Variants in CHCHD3 observed in about 807,000 individuals in gnomAD.
CHCHD3 encodes coiled-coil-helix-coiled-coil-helix domain containing 3, also known as MICOS complex subunit MIC19.
Under a neutral mutation model 38.2 loss-of-function variants are expected in CHCHD3, and 20 were observed. The observed-to-expected ratio is 0.52, with a 90% confidence interval of 0.37 to 0.76. The LOEUF (loss-of-function observed/expected upper bound fraction) is 0.76. CHCHD3 is among the 30% of genes least tolerant of loss of function. The pLI is 0.00. For synonymous variants in CHCHD3, 82 were observed against 100.0 expected (o/e 0.82, Z 1.07); for missense variants, 245 against 279.2 (o/e 0.88, Z 0.87).
intron 3 of CHCHD3, among the ~76,000 whole-genome samples, chr7:132,992,122 T>C (rs1812298656): frequency 1.3e-5 from 2 of 152,174 alleles, no homozygotes; most frequent in African/African-American, 4.8e-5. Flanking sequence ...GCAAGGCTGG[T>C]GGAAGAACAA....
intron 5 of CHCHD3, among the ~76,000 whole-genome samples, chr7:132,853,484 T>C (rs1808268476): frequency 6.6e-6 from 1 of 151,622 alleles, no homozygotes. Context: ...TACCCGGGCA[T>C]GGTGGCACAC....
At chr7:132,964,159 C>G (rs558817131) in intron 4 of CHCHD3, among the ~76,000 whole-genome samples, 8 of 152,208 alleles carry the variant, frequency 5.3e-5, no homozygotes, top group African/African-American at 4.8e-5. Context: ...TAAAAATACT[C>G]TATTGCAGCA....
chr7:132,847,296 A>G (rs917285653), intron 5 of CHCHD3: 1 of 152,236 alleles, frequency 6.6e-6, no homozygotes, highest in African/African-American at 2.4e-5. Context: ...AAGAAGGAAG[A>G]AAGAATTTGG....
chr7:132,905,045 T>C (rs951523609), intron 4 of CHCHD3, among the ~76,000 whole-genome samples: 2 of 135,438 alleles, frequency 1.5e-5, no homozygotes, highest in Non-Finnish European at 3.0e-5. Flanking sequence ...AATTGAACAA[T>C]GAGAACACTT....
intron 7 of CHCHD3, among the ~76,000 whole-genome samples, chr7:132,790,179 T>C (rs755120456): frequency 2.0e-5 from 3 of 152,224 alleles, no homozygotes; most frequent in Non-Finnish European, 4.4e-5. Context: ...AACTTTTTTC[T>C]GCCTGGATCT....
intron 6 of CHCHD3, among the ~76,000 whole-genome samples, chr7:132,834,234 C>T (rs1261528466): frequency 6.6e-6 from 1 of 152,222 alleles, no homozygotes. Context: ...TAAGTAATCT[C>T]TGTGCCTTCA....
At chr7:132,957,323 A>G (rs889563448) in intron 4 of CHCHD3, among the ~76,000 whole-genome samples, 29 of 152,192 alleles carry the variant, frequency 1.9e-4, no homozygotes, top group Non-Finnish European at 8.8e-5. Context: ...TGCCCAGAAA[A>G]GGGTCCAATA....
intron 5 of CHCHD3, among the ~76,000 whole-genome samples, chr7:132,860,550 T>C (rs1808464349): frequency 6.6e-6 from 1 of 152,074 alleles, no homozygotes; most frequent in African/African-American, 2.4e-5. Flanking sequence ...TTAACAGGCA[T>C]GTAATGGGTT....
chr7:133,003,938 T>C lies in CHCHD3; in HGVS notation c.251+20608A>G, dbSNP rs1812635528. On this transcript the variant is annotated intron_variant, in intron 3 of 7. Coordinates refer to ENST00000262570, the MANE Select transcript of CHCHD3 (RefSeq NM_017812.4). Reference sequence around the variant, plus strand: ...ATTAGAAAGTCAACACTTAGAATTTTGAACCTGAAAGATATCTTAAAGATT... The same window carrying C: ...ATTAGAAAGTCAACACTTAGAATTTCGAACCTGAAAGATATCTTAAAGATT... Among the ~76,000 whole-genome samples, 3 of 152,192 alleles carry C rather than the reference T, an allele frequency of 2.0e-5. No homozygotes were observed. In the South Asian group the frequency reaches 6.2e-4, roughly 32 times the overall value.
chr7:132,911,284 T>C, intron 4 of CHCHD3, among the ~76,000 whole-genome samples: 1 of 152,160 alleles, frequency 6.6e-6, no homozygotes, highest in Non-Finnish European at 1.5e-5. Flanking sequence ...ATGAGATGAC[T>C]GGCCACCCCC....
At chr7:132,852,835 GA>G (rs1463222711) in intron 5 of CHCHD3, among the ~76,000 whole-genome samples, 1 of 152,152 alleles carries the variant, frequency 6.6e-6, no homozygotes, top group Non-Finnish European at 1.5e-5. Context: ...CCTAGAACCT[GA>G]CTTTTTAAAA....
chr7:132,929,050 T>C (rs777479825), intron 4 of CHCHD3, among the ~76,000 whole-genome samples: 3 of 152,176 alleles, frequency 2.0e-5, no homozygotes, highest in Non-Finnish European at 2.9e-5. Flanking sequence ...CCAAAAAAAC[T>C]ACTTCTTCAA....
intron 6 of CHCHD3, among the ~76,000 whole-genome samples, chr7:132,803,876 C>T (rs536453215): frequency 6.8e-6 from 1 of 146,576 alleles, no homozygotes; most frequent in African/African-American, 2.5e-5. Context: ...TGGCTGGGCA[C>T]AGCAACCCAC....
intron 4 of CHCHD3, among the ~76,000 whole-genome samples, chr7:132,946,319 A>C (rs1399341936): frequency 6.6e-6 from 1 of 151,876 alleles, no homozygotes; most frequent in Non-Finnish European, 1.5e-5. Context: ...TGATATATAA[A>C]AATAAGCACC....
Position 133,057,698 on chromosome 7 carries a change from C to A in CHCHD3, c.169+12444G>T, listed in dbSNP as rs112566000. Among the ~76,000 whole-genome samples, 998 of 151,984 alleles carry A rather than the reference C, an allele frequency of 6.6e-3. 7 individuals carry two copies. Among genetic ancestry groups the A allele is most frequent in the Middle Eastern group, 0.031 (9 of 294 alleles). On this transcript the variant is annotated intron_variant, in intron 2 of 7. Transcript: ENST00000262570. ...GTCATTTTTGCAAAAAAGATGAACA[C>A]GGGTTATGAAATAGTGCCTATGTCA...
intron 5 of CHCHD3, among the ~76,000 whole-genome samples, chr7:132,881,439 T>G: frequency 6.6e-6 from 1 of 152,158 alleles, no homozygotes; most frequent in Non-Finnish European, 1.5e-5. Flanking sequence ...AATGAATAGT[T>G]CAAGTCATCA....
chr7:132,900,601 G>A (rs1478148226), intron 4 of CHCHD3, among the ~76,000 whole-genome samples: 1 of 152,184 alleles, frequency 6.6e-6, no homozygotes, highest in Non-Finnish European at 1.5e-5. Context: ...AACTAGCAGT[G>A]CTGGACTCAA....
At chr7:132,935,939 G>A (rs1219710280) in intron 4 of CHCHD3, among the ~76,000 whole-genome samples, 1 of 152,166 alleles carries the variant, frequency 6.6e-6, no homozygotes, top group Non-Finnish European at 1.5e-5. Context: ...ACAAAACAGA[G>A]AGAGGATGGG....
chr7:133,024,276 C>T (rs963468959), intron 3 of CHCHD3, among the ~76,000 whole-genome samples: 1 of 152,204 alleles, frequency 6.6e-6, no homozygotes, highest in African/African-American at 2.4e-5. Flanking sequence ...CTCAAAAACT[C>T]CTTCTCACAT....
Sources: gnomAD v4.1 joint callset for allele counts (sites outside exome capture counted in the v4.1 genomes callset) on GRCh38, gnomAD v4.1.1 for gene constraint, MANE v1.5 for transcripts, NCBI Gene and HGNC (gene_info 2026-07-23, HGNC 2026-07-21) for gene names.